The following OTUB1 variants were observed in gnomAD, a reference collection of about 807,000 sequenced individuals.
OTUB1 encodes ubiquitin thioesterase OTUB1.
Under a neutral mutation model 35.8 loss-of-function variants are expected in OTUB1, and 10 were observed. The ratio of observed to expected loss-of-function variants is 0.28; its 90% CI spans 0.17 to 0.47. The LOEUF (loss-of-function observed/expected upper bound fraction) is 0.47, where lower values mean the gene tolerates loss of function less well. OTUB1 is among the 20% of genes least tolerant of loss of function. OTUB1 has a pLI of 0.99. For missense variants in OTUB1, 264 were observed against 351.6 expected (o/e 0.75, Z 1.99); for synonymous variants, 158 against 143.8 (o/e 1.10, Z -0.71).
intron 1 of OTUB1, among the ~76,000 whole-genome samples, chr11:63,987,710 C>T (rs1942634087): frequency 6.6e-6 from 1 of 152,176 alleles, no homozygotes; most frequent in African/African-American, 2.4e-5. Flanking sequence ...GCACCATTAA[C>T]AATATCCACG....
chr11:63,997,242 C>T lies in OTUB1; in HGVS notation c.616C>T (p.Gln206Ter). Residue 206 changes from glutamine (Q) to a stop codon, truncating the protein, a stop_gained and splice_region_variant, in exon 6 of 7, where the codon CAG (glutamine) becomes TAG (stop). Coordinates refer to ENST00000538426, the MANE Select transcript of OTUB1 (RefSeq NM_017670.3). LOFTEE classifies it high-confidence loss of function. Reference sequence around the variant, plus strand: ...ACGGACTGTCAAGGAGTTCTGCCAGCAGGTGCCGTCCCCCTCCCCTTTACT... The same window carrying T: ...ACGGACTGTCAAGGAGTTCTGCCAGTAGGTGCCGTCCCCCTCCCCTTTACT... ...GGRTVKEFCQ[Q>*]EVEPMCKESD... 6.2e-7 allele frequency: 1 copy of T among 1,613,168 alleles called. No homozygotes were observed. The highest frequency in any genetic ancestry group is 8.5e-7 in the Non-Finnish European group (1 of 1,179,232).
In OTUB1 at chr11:63,997,160, C is replaced by T. The variant is rs1942728491; in HGVS notation, c.534C>T (p.Leu178=). Residue 178 remains leucine, a synonymous_variant, in exon 6 of 7, where the codon CTC becomes CTT. Transcript: ENST00000538426. The stretch of plus-strand genomic sequence containing the variant: ...ACCTTGTGGTCTACCTGCGGCTGCT[C>T]ACCTCGGGCTACCTGCAGCGCGAGA... ...SDYLVVYLRL[L]TSGYLQRESK... is the part of the protein sequence containing the mutation. The T allele has an allele frequency of 1.9e-6, 3 of 1,614,208 alleles. No homozygotes were observed. The East Asian group carries it at 6.7e-5, about 36-fold the overall frequency.
intron 5 of OTUB1, 23 bp downstream of exon 5, chr11:63,996,964 G>A: frequency 1.2e-6 from 2 of 1,613,736 alleles, no homozygotes; most frequent in Non-Finnish European, 1.7e-6. Flanking sequence ...GCCTGTCTTG[G>A]GCTGGGCCAT....
Position 63,997,442 on chromosome 11 carries a change from C to T in OTUB1, c.712C>T (p.Arg238Cys). 9 of 1,614,072 alleles carry T rather than the reference C, an allele frequency of 5.6e-6. No homozygotes were observed. The highest frequency in any genetic ancestry group is 7.6e-6 in the Non-Finnish European group (9 of 1,179,968). Residue 238 changes from arginine to cysteine, a missense_variant, in exon 7 of 7, where the codon CGC becomes TGC. This residue lies in a region of OTUB1 where 214 missense variants were observed against 317.1 expected (regional missense o/e 0.67). Transcript: ENST00000538426. The part of the protein sequence containing the change: ...SVSIQVEYMD[R>C]GEGGTTNPHI... ...GTCCATCCAGGTGGAGTACATGGAC[C>T]GCGGCGAGGGCGGCACCACCAATCC...
In OTUB1 at chr11:63,998,069, G is replaced by A. The variant is rs550865540; in HGVS notation, c.*523G>A. On this transcript the variant is annotated 3_prime_UTR_variant, in exon 7 of 7. Coordinates refer to ENST00000538426, the MANE Select transcript of OTUB1 (RefSeq NM_017670.3). Reference sequence around the variant, plus strand: ...CATGGTTGGGAGTCCTGGGTGGAGGGGCCTTTGTGAGGCTGGACCCGGCTC... The same window carrying A: ...CATGGTTGGGAGTCCTGGGTGGAGGAGCCTTTGTGAGGCTGGACCCGGCTC... 1.9e-5 allele frequency: 8 copies of A among 427,338 alleles called. No homozygotes were observed. In the East Asian group the frequency reaches 3.3e-4, roughly 18 times the overall value. The allele number at this position is 427,338 out of a possible 1,614,324, so 26.5% of individuals were successfully genotyped here.
intron 1 of OTUB1, 181 bp downstream of exon 1, chr11:63,986,695 C>A (rs1942623215): frequency 1.8e-6 from 1 of 570,708 alleles, no homozygotes; most frequent in Admixed American, 3.4e-5. Context: ...CGCCGCGACC[C>A]CCGGCCGGGA....
chr11:63,994,399 T>C (rs1019320418), intron 3 of OTUB1, among the ~76,000 whole-genome samples: 1 of 152,182 alleles, frequency 6.6e-6, no homozygotes, highest in African/African-American at 2.4e-5. Flanking sequence ...ACTACAGGTG[T>C]GTGCCACCAC....
In OTUB1 at chr11:63,997,773, G is replaced by T. The variant is rs1199168911; in HGVS notation, c.*227G>T. 2.1e-5 allele frequency: 15 copies of T among 701,092 alleles called. No individual in the cohort carries two copies. Among genetic ancestry groups the T allele is most frequent in the Non-Finnish European group, 3.9e-5 (15 of 385,140 alleles). 43.4% of individuals were successfully genotyped at this position (701,092 alleles called of 1,614,324 possible). On this transcript the variant is annotated 3_prime_UTR_variant, in exon 7 of 7. Coordinates refer to ENST00000538426, the MANE Select transcript of OTUB1 (RefSeq NM_017670.3). ...TCTGCTGCCCCCTCCCCCCAGGTGG[G>T]TCCCCCTGCTTTTCACCTATCTACT... is the stretch of plus-strand genomic sequence containing the variant.
chr11:63,988,346 G>C lies in OTUB1; in HGVS notation c.68G>C (p.Cys23Ser), dbSNP rs1237534531. The change falls in exon 2 of 7, where the codon TGT becomes TCT. Residue 23 changes from cysteine to serine, a missense_variant. Around this residue, in one of 2 missense-constraint regions of OTUB1, gnomAD observed 50 missense variants for 34.5 expected, o/e 1.45. Coordinates refer to ENST00000538426, the MANE Select transcript of OTUB1 (RefSeq NM_017670.3). ...TTTTTCCTTTTCCCAGGTGTTAACTGTCTGGCCTATGATGAAGCCATCATG... is the reference window on the plus strand; with the variant it reads ...TTTTTCCTTTTCCCAGGTGTTAACTCTCTGGCCTATGATGAAGCCATCATG... ...PLGSDSEGVN[C>S]LAYDEAIMAQ... 1 of 1,553,398 alleles carries C rather than the reference G, an allele frequency of 6.4e-7. No individual in the cohort carries two copies. Among genetic ancestry groups the C allele is most frequent in the East Asian group, 2.4e-5 (1 of 41,314 alleles).
chr11:63,992,418 G>T (rs11231670), intron 3 of OTUB1, among the ~76,000 whole-genome samples: 40,055 of 146,500 alleles, frequency 0.27, 7,114 homozygotes, highest in Non-Finnish European at 0.39. Context: ...GGCCAGTGTG[G>T]CTGGTGGAGA....
Position 63,997,369 on chromosome 11 carries a change from G to A in OTUB1, c.639G>A (p.Lys213=), listed in dbSNP as rs14195. The A allele has an allele frequency of 3.7e-5, 60 of 1,613,968 alleles. No homozygotes were observed. The highest frequency in any genetic ancestry group is 5.0e-5 in the Non-Finnish European group (59 of 1,180,024). The change falls in exon 7 of 7, where the codon AAG becomes AAA. Residue 213 remains lysine (K), a synonymous_variant. Coordinates refer to ENST00000538426, the MANE Select transcript of OTUB1 (RefSeq NM_017670.3). ...CACAGGAGGTGGAGCCCATGTGCAA[G>A]GAGAGCGACCACATCCACATCATTG... ...FCQQEVEPMC[K]ESDHIHIIAL...
At chr11:63,988,241 C>T in intron 1 of OTUB1, 96 bp from the exon 2 acceptor site, 1 of 950,350 alleles carries the variant, frequency 1.1e-6, no homozygotes, top group South Asian at 1.5e-5. Flanking sequence ...CTAAGCCTGT[C>T]TTCCTGACCC....
At chr11:63,988,218 C>G in intron 1 of OTUB1, 119 bp from the exon 2 acceptor site, 1 of 750,472 alleles carries the variant, frequency 1.3e-6, no homozygotes, top group Non-Finnish European at 2.2e-6. Flanking sequence ...TGTAACATAC[C>G]TGCTTCCAGA....
At chr11:63,988,053 T>C (rs528751504) in intron 1 of OTUB1, among the ~76,000 whole-genome samples, 1 of 152,150 alleles carries the variant, frequency 6.6e-6, no homozygotes, top group Non-Finnish European at 1.5e-5. Context: ...GGTGGGCGGA[T>C]CACCTGAGGT....
intron 3 of OTUB1, among the ~76,000 whole-genome samples, chr11:63,994,877 T>G (rs955868986): frequency 5.9e-5 from 9 of 152,022 alleles, no homozygotes; most frequent in African/African-American, 2.2e-4. Flanking sequence ...CATGAGGAGT[T>G]TTGCTGTAAA....
At position 63,997,601 on chromosome 11, in the gene OTUB1, T is replaced by C. The variant is rs781314211; in HGVS notation, c.*55T>C. ...GCCCCCCTCTGCCAGGCGCTAGACATGTACAGAGGTTTTTCTGTGGTTGTA... is the reference window on the plus strand; with the variant it reads ...GCCCCCCTCTGCCAGGCGCTAGACACGTACAGAGGTTTTTCTGTGGTTGTA... On this transcript the variant is annotated 3_prime_UTR_variant, in exon 7 of 7. Transcript: ENST00000538426. 3.7e-5 allele frequency: 55 copies of C among 1,486,552 alleles called. No individual in the cohort carries two copies. The highest frequency in any genetic ancestry group is 1.3e-4 in the Admixed American group (8 of 59,754). 92.1% of individuals were successfully genotyped at this position (1,486,552 alleles called of 1,614,324 possible). A position where few individuals can be genotyped will look rare whatever the true frequency, so the allele number is the denominator to read the frequency against.
At chr11:63,994,830 C>T (rs1006202857) in intron 3 of OTUB1, among the ~76,000 whole-genome samples, 4 of 152,212 alleles carry the variant, frequency 2.6e-5, no homozygotes, top group African/African-American at 4.8e-5. Context: ...AAAAGCCTCC[C>T]GAGGGAGAAA....
In OTUB1 at chr11:63,997,154, G is replaced by T. The variant is rs779470546; in HGVS notation, c.528G>T (p.Arg176=). 3 of 1,614,220 alleles carry T rather than the reference G, an allele frequency of 1.9e-6. No homozygotes were observed. In the Admixed American group the frequency reaches 5.0e-5, roughly 27 times the overall value. ...CCGACTACCTTGTGGTCTACCTGCG[G>T]CTGCTCACCTCGGGCTACCTGCAGC... The part of the protein sequence containing the change: ...STSDYLVVYL[R]LLTSGYLQRE... The change falls in exon 6 of 7, where the codon CGG becomes CGT. Residue 176 remains arginine, a synonymous_variant. Coordinates refer to ENST00000538426, the MANE Select transcript of OTUB1 (RefSeq NM_017670.3).
In OTUB1 at chr11:63,986,485, A is replaced by G. The variant is rs1366034424; in HGVS notation, c.29A>G (p.Lys10Arg). The part of the protein sequence containing the change: MAAEEPQQQ[K>R]QEPLGSDSEG... ...GCGGCGGAGGAACCTCAGCAGCAGA[A>G]GCAGGAGCCGCTGGGCAGCGACTCC... Residue 10 changes from lysine to arginine, a missense_variant, in exon 1 of 7, where the codon AAG becomes AGG. Lys to Arg is a conservative substitution (Grantham distance 26). Transcript: ENST00000538426. The G allele has an allele frequency of 2.6e-6, 4 of 1,554,280 alleles. No individual in the cohort carries two copies. The Admixed American group carries it at 7.8e-5, about 30-fold the overall frequency.
Sources: gnomAD v4.1 joint callset for allele counts (sites outside exome capture counted in the v4.1 genomes callset) on GRCh38, gnomAD v4.1.1 for gene constraint, gnomAD v4.1.1 regional missense constraint, MANE v1.5 for transcripts, NCBI Gene and HGNC (gene_info 2026-07-23, HGNC 2026-07-21) for gene names.